RRH: variants seen among roughly 807,000 people sequenced by gnomAD.
The protein encoded by RRH is visual pigment-like receptor peropsin.
A neutral mutation model predicts 33.1 loss-of-function variants in RRH; 36 were observed. The ratio of observed to expected loss-of-function variants is 1.09; its 90% CI spans 0.83 to 1.44. RRH has a LOEUF of 1.44. Ranked by LOEUF, RRH falls within the 40% of genes most tolerant of loss-of-function variation. The probability of loss-of-function intolerance (pLI) is 0.00; values close to 1 mark genes in which losing one functional copy is unlikely to be tolerated. For synonymous variants in RRH, 124 were observed against 140.2 expected (o/e 0.88, Z 0.82); for missense variants, 393 against 420.2 (o/e 0.94, Z 0.57).
intron 4 of RRH, among the ~76,000 whole-genome samples, chr4:109,836,426 AG>A (rs1220552987): frequency 6.6e-6 from 1 of 152,318 alleles, no homozygotes; most frequent in Admixed American, 6.5e-5. Flanking sequence ...GCAGCAATGC[AG>A]GGTACCAATC....
intron 5 of RRH, among the ~76,000 whole-genome samples, chr4:109,842,170 G>A (rs1733997012): frequency 6.6e-6 from 1 of 152,002 alleles, no homozygotes; most frequent in South Asian, 2.1e-4. Context: ...GTCAGCTTTT[G>A]TACTCTCCCC....
chr4:109,837,551 T>C lies in RRH; in HGVS notation c.666T>C (p.Ser222=), dbSNP rs760080345. ...VTLSIKHHTT[S]DCTESLNRDW... ...TATCCATTAAACATCACACTACCAG[T>C]GACTGCACTGAGTCCCTCAACAGAG... is the stretch of plus-strand genomic sequence containing the variant. The change falls in exon 5 of 7, where the codon AGT becomes AGC. Residue 222 remains serine, a synonymous_variant. Transcript: ENST00000317735. 1 of 1,613,920 alleles carries C rather than the reference T, an allele frequency of 6.2e-7. No individual in the cohort carries two copies. The highest frequency in any genetic ancestry group is 1.7e-5 in the Admixed American group (1 of 60,020).
chr4:109,842,326 A>G (rs892053396), intron 5 of RRH, 143 bp from the exon 6 acceptor site: 2 of 783,820 alleles, frequency 2.6e-6, no homozygotes, highest in African/African-American at 1.8e-5. Context: ...GAAGGCAGAA[A>G]AAAAACTCAA....
Position 109,828,129 on chromosome 4 carries a change from G to T in RRH, c.102G>T (p.Met34Ile). 1 of 1,595,014 alleles carries T rather than the reference G, an allele frequency of 6.3e-7. No homozygotes were observed. Among genetic ancestry groups the T allele is most frequent in the South Asian group, 1.1e-5 (1 of 90,614 alleles). Residue 34 changes from methionine to isoleucine, a missense_variant, in exon 1 of 7, where the codon ATG (methionine) becomes ATT (isoleucine). Physicochemically the swap from Met to Ile is conservative, Grantham distance 10. Transcript: ENST00000317735. ...EHNIVATYLIMAGMISIISNI... is the reference protein window; with the variant it reads ...EHNIVATYLIIAGMISIISNI... ...ATATTGTTGCAACTTACTTGATTAT[G>T]GCAGGTATGGATATTTAAGTAAGTT...
chr4:109,834,639 G>A (rs910653483), intron 2 of RRH, among the ~76,000 whole-genome samples: 5 of 142,220 alleles, frequency 3.5e-5, no homozygotes, highest in East Asian at 2.4e-4. Flanking sequence ...CACTGCGCCC[G>A]GACCCCCATT....
intron 4 of RRH, among the ~76,000 whole-genome samples, chr4:109,837,140 A>T (rs1733901945): frequency 6.6e-6 from 1 of 152,182 alleles, no homozygotes; most frequent in South Asian, 2.1e-4. Context: ...GTTCTCTATC[A>T]CAGCTCTTCA....
intron 1 of RRH, among the ~76,000 whole-genome samples, chr4:109,831,694 A>C (rs1203684891): frequency 1.3e-5 from 2 of 152,140 alleles, no homozygotes; most frequent in African/African-American, 4.8e-5. Context: ...AAAAACTAGA[A>C]TGGAGAGTTC....
At chr4:109,841,216 C>T (rs1379826073) in intron 5 of RRH, among the ~76,000 whole-genome samples, 1 of 152,012 alleles carries the variant, frequency 6.6e-6, no homozygotes, top group African/African-American at 2.4e-5. Flanking sequence ...TTCTAACTGT[C>T]TAGGTAACTA....
At chr4:109,833,634 A>T (rs1016292657) in intron 2 of RRH, among the ~76,000 whole-genome samples, 5 of 151,940 alleles carry the variant, frequency 3.3e-5, no homozygotes, top group South Asian at 2.1e-4. Flanking sequence ...ATTGCAAATT[A>T]AAAAAAATAA....
chr4:109,839,488 A>G (rs1733947690), intron 5 of RRH, among the ~76,000 whole-genome samples: 1 of 152,148 alleles, frequency 6.6e-6, no homozygotes, highest in Non-Finnish European at 1.5e-5. Flanking sequence ...GTTCAGGGGT[A>G]CATGTGCATG....
At position 109,836,123 on chromosome 4, in the gene RRH, G is replaced by A; in HGVS notation, c.514G>A (p.Gly172Ser). ...GGCTAGTTATGCCCCAGATCCTACT[G>A]GTGCTACGTGTACCATAAACTGGAG... ...GWASYAPDPT[G>S]ATCTINWRKN... Residue 172 changes from glycine to serine, a missense_variant, in exon 4 of 7, where the codon GGT becomes AGT. Coordinates refer to ENST00000317735, the MANE Select transcript of RRH (RefSeq NM_006583.5). 5.0e-6 allele frequency: 8 copies of A among 1,614,174 alleles called. No homozygotes were observed. The highest frequency in any genetic ancestry group is 1.6e-4 in the Middle Eastern group (1 of 6,062).
intron 1 of RRH, among the ~76,000 whole-genome samples, chr4:109,830,300 GACAGGGAGTCACTGAAGGGTTTGAA>G (rs1048146882): frequency 2.6e-5 from 4 of 152,170 alleles, no homozygotes; most frequent in African/African-American, 9.7e-5. Context: ...TTTTAAAGGT[GACAGGGAGTCACTGAAGGGTTTGAA>G]ATGGGAGTGA....
chr4:109,831,903 G>C (rs938268192), intron 1 of RRH, among the ~76,000 whole-genome samples: 9 of 152,040 alleles, frequency 5.9e-5, no homozygotes, highest in Admixed American at 4.6e-4. Flanking sequence ...AAAAGAACAG[G>C]AATCTGGAAG....
chr4:109,833,209 C>G lies in RRH; in HGVS notation c.177C>G (p.Pro59=). ...TTAAGTACAAGGAACTTCGGACACC[C>G]ACAAATGCAATTATTATTAACCTGG... is the stretch of plus-strand genomic sequence containing the variant. ...IFIKYKELRT[P]TNAIIINLAV... is the part of the protein sequence containing the mutation. The change falls in exon 2 of 7, where the codon CCC becomes CCG. Residue 59 remains proline, a synonymous_variant. Coordinates refer to ENST00000317735, the MANE Select transcript of RRH (RefSeq NM_006583.5). 2 of 1,613,818 alleles carry G rather than the reference C, an allele frequency of 1.2e-6. No homozygotes were observed. Among genetic ancestry groups the G allele is most frequent in the Non-Finnish European group, 1.7e-6 (2 of 1,179,788 alleles).
At chr4:109,839,282 A>G (rs762594089) in intron 5 of RRH, among the ~76,000 whole-genome samples, 1 of 152,170 alleles carries the variant, frequency 6.6e-6, no homozygotes, top group Admixed American at 6.5e-5. Flanking sequence ...TAATGTAAAA[A>G]TTATGTTGAA....
intron 6 of RRH, 80 bp from the exon 7 acceptor site, chr4:109,844,003 C>T: frequency 1.1e-6 from 1 of 895,264 alleles, no homozygotes; most frequent in Non-Finnish European, 1.9e-6. Flanking sequence ...GCAGTAGTGG[C>T]ATCTTAGCCA....
At chr4:109,831,015 T>C (rs1169661982) in intron 1 of RRH, among the ~76,000 whole-genome samples, 3 of 152,146 alleles carry the variant, frequency 2.0e-5, no homozygotes, top group African/African-American at 4.8e-5. Flanking sequence ...TTAGAAGACC[T>C]ACAGCTGTGG....
intron 3 of RRH, 53 bp downstream of exon 3, chr4:109,835,518 A>G (rs370795108): frequency 1.7e-6 from 2 of 1,176,080 alleles, no homozygotes; most frequent in East Asian, 4.7e-5. Flanking sequence ...ACTAATGGCC[A>G]CTCAATATAT....
rs1245445517 is a variant in RRH at position 109,835,437 on chromosome 4, A to G, written c.369A>G (p.Arg123=). The change falls in exon 3 of 7, where the codon CGA becomes CGG. Residue 123 remains arginine, a synonymous_variant. Coordinates refer to ENST00000317735, the MANE Select transcript of RRH (RefSeq NM_006583.5). The part of the protein sequence containing the change: ...IGLLTVVAVD[R]YLTICLPDVG... ...TACTCACGGTCGTGGCTGTGGACCG[A>G]TACCTGACCATCTGCCTTCCTGACG... 6.2e-7 allele frequency: 1 copy of G among 1,613,858 alleles called. No individual in the cohort carries two copies. Among genetic ancestry groups the G allele is most frequent in the East Asian group, 2.2e-5 (1 of 44,868 alleles).
Sources: gnomAD v4.1 joint callset for allele counts (sites outside exome capture counted in the v4.1 genomes callset) on GRCh38, gnomAD v4.1.1 for gene constraint, MANE v1.5 for transcripts, NCBI Gene and HGNC (gene_info 2026-07-23, HGNC 2026-07-21) for gene names.